The following PARD3B variants were observed in gnomAD, a reference collection of about 807,000 sequenced individuals.
PARD3B encodes par-3 family cell polarity regulator beta.
In PARD3B, 103 loss-of-function variants were observed where a neutral mutation model predicts 130.2. The observed-to-expected ratio is 0.79, with a 90% confidence interval of 0.67 to 0.93. PARD3B has a LOEUF of 0.93. PARD3B is among the 40% of genes least tolerant of loss of function. The pLI is 0.00. For synonymous variants in PARD3B, 583 were observed against 553.2 expected (o/e 1.05, Z -0.76); for missense variants, 1,609 against 1,499.2 (o/e 1.07, Z -1.21).
chr2:205,503,095 C>T (rs780401332), intron 21 of PARD3B, among the ~76,000 whole-genome samples: 4 of 151,422 alleles, frequency 2.6e-5, no homozygotes, highest in Non-Finnish European at 5.9e-5. Context: ...TCTCCCCTGA[C>T]TCCTATTACA....
chr2:205,457,643 A>G (rs2048319686), intron 20 of PARD3B, among the ~76,000 whole-genome samples: 1 of 151,502 alleles, frequency 6.6e-6, no homozygotes, highest in African/African-American at 2.4e-5. Context: ...AAACAGTTTT[A>G]TTTCATCTTT....
chr2:204,903,337 G>A (rs2046935446), intron 2 of PARD3B, among the ~76,000 whole-genome samples: 3 of 152,172 alleles, frequency 2.0e-5, no homozygotes, highest in Admixed American at 6.5e-5. Context: ...TCAGCAGCAA[G>A]CTTTTAGAGA....
At chr2:205,238,837 A>G (rs1278060137) in intron 15 of PARD3B, among the ~76,000 whole-genome samples, 1 of 70,356 alleles carries the variant, frequency 1.4e-5, no homozygotes, top group African/African-American at 7.7e-5. Flanking sequence ...CTCCGTTTCA[A>G]AAAAAAAAAA....
rs1038183314 is a variant in PARD3B at position 204,669,830 on chromosome 2, G to T, written c.121-16351G>T. Among the ~76,000 whole-genome samples, 1 of 152,130 alleles carries T rather than the reference G, an allele frequency of 6.6e-6. No homozygotes were observed. The highest frequency in any genetic ancestry group is 2.1e-4 in the South Asian group (1 of 4,818). On this transcript the variant is annotated intron_variant, in intron 1 of 22. Transcript: ENST00000406610. The surrounding 1 kb of genome is among the most constrained non-coding windows in gnomAD (Gnocchi z 4.3). ...CTGCCAAGTCCTCTTTTACTCCGAG[G>T]AATGAAGAGATGCTGTTTTAGATGA...
chr2:205,138,566 G>A (rs1450416657), intron 10 of PARD3B, among the ~76,000 whole-genome samples: 1 of 152,170 alleles, frequency 6.6e-6, no homozygotes, highest in Non-Finnish European at 1.5e-5. Flanking sequence ...AATAAAGAGG[G>A]AGAAGAATTT....
chr2:205,045,633 CAT>C (rs1196479958), intron 3 of PARD3B, among the ~76,000 whole-genome samples: 2 of 151,986 alleles, frequency 1.3e-5, no homozygotes, highest in Admixed American at 6.6e-5. Context: ...AATGAGGACT[CAT>C]AGGCATGTGT....
At chr2:205,104,565 T>C (rs1478356134) in intron 5 of PARD3B, 51 bp downstream of exon 5, 3 of 1,240,886 alleles carry the variant, frequency 2.4e-6, no homozygotes, top group Non-Finnish European at 3.5e-6. Context: ...ATTTGATGTG[T>C]TTTTTAATAG....
In PARD3B at chr2:204,967,894, C is replaced by T. The variant is rs1166578421; in HGVS notation, c.394+2571C>T. Among the ~76,000 whole-genome samples the T allele has an allele frequency of 7.2e-5, 11 of 152,244 alleles. 1 individual carries two copies. In the East Asian group the frequency reaches 2.1e-3, roughly 29 times the overall value. On this transcript the variant is annotated intron_variant, in intron 3 of 22. Coordinates refer to ENST00000406610, the MANE Select transcript of PARD3B (RefSeq NM_001302769.2). This position sits in a 1 kb window ranked among gnomAD's most constrained non-coding sequence, Gnocchi z 4.4. The stretch of plus-strand genomic sequence containing the variant: ...GTCCTGTCTGGTCCACCCTGAAAGC[C>T]TGCTTAGGTGAAGAATGGGAGGGGC...
chr2:205,216,116 C>T (rs2037894878), intron 15 of PARD3B, among the ~76,000 whole-genome samples: 1 of 152,082 alleles, frequency 6.6e-6, no homozygotes, highest in Admixed American at 6.6e-5. Flanking sequence ...TTTACTATAT[C>T]TTTTCTATGT....
chr2:204,920,374 G>A (rs1424562516), intron 2 of PARD3B, among the ~76,000 whole-genome samples: 2 of 152,140 alleles, frequency 1.3e-5, no homozygotes, highest in Non-Finnish European at 2.9e-5. Context: ...TTTTCAAGAA[G>A]CAAACCACCA....
At chr2:205,047,821 T>A in intron 4 of PARD3B, 131 bp downstream of exon 4, 1 of 606,314 alleles carries the variant, frequency 1.6e-6, no homozygotes, top group Non-Finnish European at 2.9e-6. Context: ...TAGTATTAGT[T>A]ATACTAATAG....
intron 4 of PARD3B, among the ~76,000 whole-genome samples, chr2:205,082,036 G>A (rs557460276): frequency 6.8e-4 from 104 of 152,080 alleles, no homozygotes; most frequent in Non-Finnish European, 1.1e-3. Context: ...ATATATATTC[G>A]ATTTCTTCAT....
Position 205,011,040 on chromosome 2 carries a change from G to A in PARD3B, c.395-36541G>A, listed in dbSNP as rs919497878. ...AGCTGATTGCGGCTCTCTGGTGTAT[G>A]GGGTTTAGTGGTGGAAGGTATCCCC... On this transcript the variant is annotated intron_variant, in intron 3 of 22. Transcript: ENST00000406610. This position sits in a 1 kb window ranked among gnomAD's most constrained non-coding sequence, Gnocchi z 4.1. 3.3e-5 allele frequency among the ~76,000 whole-genome samples: 5 copies of A among 152,144 alleles called. No homozygotes were observed. The highest frequency in any genetic ancestry group is 1.2e-4 in the African/African-American group (5 of 41,420).
intron 2 of PARD3B, among the ~76,000 whole-genome samples, chr2:204,860,686 A>G (rs1434890834): frequency 2.0e-5 from 3 of 152,218 alleles, no homozygotes; most frequent in African/African-American, 7.2e-5. Context: ...ACGTAGTTTC[A>G]TATGGAAGAG....
At chr2:204,951,494 GC>G (rs1234294758) in intron 2 of PARD3B, among the ~76,000 whole-genome samples, 3 of 152,064 alleles carry the variant, frequency 2.0e-5, no homozygotes, top group Admixed American at 6.6e-5. Flanking sequence ...CACTTCTGTA[GC>G]CTGTTTATCT....
intron 2 of PARD3B, among the ~76,000 whole-genome samples, chr2:204,785,572 C>T (rs2125461198): frequency 6.6e-6 from 1 of 152,276 alleles, no homozygotes; most frequent in East Asian, 1.9e-4. Context: ...CATAAAAATA[C>T]TTGCTGTTCT....
intron 10 of PARD3B, among the ~76,000 whole-genome samples, chr2:205,144,250 C>T (rs994722860): frequency 6.6e-6 from 1 of 152,182 alleles, no homozygotes; most frequent in African/African-American, 2.4e-5. Context: ...ATATGTGGAG[C>T]AGACGTATAC....
chr2:205,493,204 C>T lies in PARD3B; in HGVS notation c.3045-6692C>T, dbSNP rs117741838. 4.5e-3 allele frequency among the ~76,000 whole-genome samples: 677 copies of T among 151,888 alleles called. 8 individuals carry two copies. The East Asian group carries it at 0.049, about 11-fold the overall frequency. ...AGGTGTTTTAGAAGTTCTGTTCCCA[C>T]TATGGAAAAAAAAATCTGCCCTGTT... On this transcript the variant is annotated intron_variant, in intron 20 of 22. Coordinates refer to ENST00000406610, the MANE Select transcript of PARD3B (RefSeq NM_001302769.2).
chr2:204,862,692 G>T (rs2045259354), intron 2 of PARD3B, among the ~76,000 whole-genome samples: 1 of 152,130 alleles, frequency 6.6e-6, no homozygotes, highest in African/African-American at 2.4e-5. Context: ...CTTGTCACCA[G>T]AGCCTCACTT....
Sources: allele counts gnomAD v4.1 joint callset (sites outside exome capture counted in the v4.1 genomes callset), GRCh38; gene constraint gnomAD v4.1.1; non-coding constraint Gnocchi (gnomAD v3.1); transcripts MANE v1.5; gene names NCBI Gene and HGNC (gene_info 2026-07-23, HGNC 2026-07-21).